ROBO2: variants seen among roughly 807,000 people sequenced by gnomAD.
ROBO2 encodes the protein roundabout guidance receptor 2, also known as roundabout homolog 2.
A neutral mutation model predicts 160.8 loss-of-function variants in ROBO2; 53 were observed. That is an observed-to-expected ratio of 0.33 (90% CI 0.26 to 0.41). ROBO2 has a LOEUF of 0.41. Ranked by LOEUF, ROBO2 falls within the 10% of genes least tolerant of loss-of-function variation. ROBO2 has a pLI of 1.00. For missense variants in ROBO2, 1,577 were observed against 1,722.4 expected, an observed-to-expected ratio of 0.92 and a Z score of 1.49; for synonymous variants, 664 against 611.7, an observed-to-expected ratio of 1.09 and a Z score of -1.26.
intron 2 of ROBO2, among the ~76,000 whole-genome samples, chr3:77,217,769 C>T (rs2085176785): frequency 6.6e-6 from 1 of 152,174 alleles, no homozygotes; most frequent in South Asian, 2.1e-4. Flanking sequence ...TGTGAGCTAG[C>T]TATCTAGATT....
At chr3:76,456,843 T>A (rs965477762) in intron 2 of ROBO2, among the ~76,000 whole-genome samples, 2 of 152,092 alleles carry the variant, frequency 1.3e-5, no homozygotes, top group East Asian at 1.9e-4. Context: ...TCTTACATGG[T>A]GGCAGCAAGA....
chr3:77,030,195 C>T (rs1345132462), intron 2 of ROBO2, among the ~76,000 whole-genome samples: 10 of 152,192 alleles, frequency 6.6e-5, no homozygotes, highest in East Asian at 1.9e-4. Flanking sequence ...CCGCCTGCCT[C>T]GGCCTCCCAG....
At chr3:77,317,185 G>A (rs201008945) in intron 2 of ROBO2, 128 of 895,612 alleles carry the variant, frequency 1.4e-4, no homozygotes, top group East Asian at 4.6e-4. Context: ...CGGCACTAGA[G>A]CACCCCGGAT....
intron 2 of ROBO2, among the ~76,000 whole-genome samples, chr3:77,414,290 G>T (rs1238817479): frequency 6.6e-6 from 1 of 152,168 alleles, no homozygotes; most frequent in Non-Finnish European, 1.5e-5. Context: ...CTTTATAAAA[G>T]CAATTTTCCT....
chr3:76,407,458 T>C (rs1305241241), intron 2 of ROBO2, among the ~76,000 whole-genome samples: 1 of 148,698 alleles, frequency 6.7e-6, no homozygotes, highest in African/African-American at 2.5e-5. Flanking sequence ...AGACACATAA[T>C]AAAAGTCAAC....
chr3:76,331,796 G>A (rs947357869), intron 2 of ROBO2, among the ~76,000 whole-genome samples: 1 of 150,334 alleles, frequency 6.7e-6, no homozygotes, highest in Non-Finnish European at 1.5e-5. Context: ...CAATTCTCCT[G>A]TCTCAGCCTC....
At chr3:77,391,257 C>T (rs1462830191) in intron 2 of ROBO2, among the ~76,000 whole-genome samples, 1 of 152,070 alleles carries the variant, frequency 6.6e-6, no homozygotes, top group African/African-American at 2.4e-5. Context: ...CATTAGAAAC[C>T]TTTGAAATTT....
chr3:76,680,011 T>G (rs554031321), intron 2 of ROBO2, among the ~76,000 whole-genome samples: 28 of 152,242 alleles, frequency 1.8e-4, no homozygotes, highest in Middle Eastern at 3.4e-3. Context: ...AAGTATAAAA[T>G]TATTGCTGTG....
chr3:76,038,342 A>G (rs1033233542), intron 2 of ROBO2, among the ~76,000 whole-genome samples: 4 of 151,972 alleles, frequency 2.6e-5, no homozygotes, highest in African/African-American at 9.7e-5. Context: ...AGGAACTTCA[A>G]CACTTTAAAA....
intron 2 of ROBO2, among the ~76,000 whole-genome samples, chr3:76,056,510 A>G (rs1489729045): frequency 7.1e-6 from 1 of 141,200 alleles, no homozygotes; most frequent in Non-Finnish European, 1.5e-5. Flanking sequence ...AAAATTGAAG[A>G]AAAAAAACCC....
chr3:76,073,360 C>G (rs1464994620), intron 2 of ROBO2, among the ~76,000 whole-genome samples: 3 of 132,170 alleles, frequency 2.3e-5, no homozygotes, highest in Non-Finnish European at 4.7e-5. Flanking sequence ...GGGGCGCGAT[C>G]TGGGCTCACT....
intron 2 of ROBO2, among the ~76,000 whole-genome samples, chr3:76,276,171 T>G (rs34773011): frequency 0.7 from 106,046 of 151,886 alleles, 41,029 homozygotes; most frequent in Non-Finnish European, 0.89. Context: ...TTTTAATCAC[T>G]CATAATTTAG....
At chr3:76,616,681 A>C (rs1007972712) in intron 2 of ROBO2, among the ~76,000 whole-genome samples, 6 of 152,200 alleles carry the variant, frequency 3.9e-5, no homozygotes, top group African/African-American at 4.8e-5. Flanking sequence ...AAACAAAGAT[A>C]TGTAATAACA....
intron 2 of ROBO2, among the ~76,000 whole-genome samples, chr3:76,118,222 T>C (rs1407167833): frequency 6.6e-6 from 1 of 152,176 alleles, no homozygotes; most frequent in Non-Finnish European, 1.5e-5. Flanking sequence ...CACTTTCTAC[T>C]GACTACCAGG....
At chr3:77,352,878 G>A (rs111849185) in intron 2 of ROBO2, among the ~76,000 whole-genome samples, 1,664 of 152,228 alleles carry the variant, frequency 0.011, 16 homozygotes, top group Middle Eastern at 0.017. Flanking sequence ...TGCAGATGGC[G>A]AGTATTTCTT....
At chr3:76,188,847 C>T (rs1388321257) in intron 2 of ROBO2, among the ~76,000 whole-genome samples, 3 of 151,948 alleles carry the variant, frequency 2.0e-5, no homozygotes, top group Non-Finnish European at 4.4e-5. Context: ...ATCATCAATG[C>T]ATTATTTGCT....
At chr3:76,773,333 T>C (rs1022955262) in intron 2 of ROBO2, among the ~76,000 whole-genome samples, 3 of 151,008 alleles carry the variant, frequency 2.0e-5, no homozygotes, top group African/African-American at 7.3e-5. Flanking sequence ...GAAGGATTTT[T>C]TTCTTGAAAA....
chr3:76,583,112 C>A (rs2085807635), intron 2 of ROBO2, among the ~76,000 whole-genome samples: 1 of 151,920 alleles, frequency 6.6e-6, no homozygotes, highest in South Asian at 2.1e-4. Flanking sequence ...AAGTTTTGGT[C>A]CCTGGAGTGC....
chr3:76,165,785 G>C (rs560389604), intron 2 of ROBO2, among the ~76,000 whole-genome samples: 15 of 152,230 alleles, frequency 9.9e-5, no homozygotes, highest in South Asian at 8.3e-4. Context: ...GAATAGGAAG[G>C]CTGGAGGAGG....
Sources: gnomAD v4.1 joint callset for allele counts (sites outside exome capture counted in the v4.1 genomes callset) on GRCh38, gnomAD v4.1.1 for gene constraint, MANE v1.5 for transcripts, NCBI Gene and HGNC (gene_info 2026-07-23, HGNC 2026-07-21) for gene names.